NLGN1: variants seen among roughly 807,000 people sequenced by gnomAD.
The protein encoded by NLGN1 is neuroligin-1.
NLGN1 carries 12 observed loss-of-function variants against 65.5 expected under a neutral mutation model. The observed-to-expected ratio is 0.18, with a 90% CI of 0.12 to 0.30. The LOEUF (loss-of-function observed/expected upper bound fraction) is 0.30. Among genes scored for constraint, NLGN1 ranks in the 10% least tolerant of loss-of-function variants. NLGN1 has a pLI of 1.00. For synonymous variants in NLGN1, 350 were observed against 359.5 expected, an observed-to-expected ratio of 0.97 and a Z score of 0.30; for missense variants, 750 against 1,007.1, an observed-to-expected ratio of 0.74 and a Z score of 3.46.
intron 3 of NLGN1, among the ~76,000 whole-genome samples, chr3:173,716,903 G>A (rs187379466): frequency 9.2e-5 from 14 of 152,206 alleles, no homozygotes; most frequent in Non-Finnish European, 1.5e-4. Context: ...CTGAAGGGGT[G>A]GGGGGTCTGC....
At chr3:174,272,023 C>T (rs1749493299) in intron 4 of NLGN1, among the ~76,000 whole-genome samples, 1 of 151,430 alleles carries the variant, frequency 6.6e-6, no homozygotes, top group Middle Eastern at 3.4e-3. Context: ...TTCTATTTTA[C>T]AAAAATAATA....
chr3:173,523,222 G>T (rs567092935), intron 2 of NLGN1, among the ~76,000 whole-genome samples: 2 of 151,452 alleles, frequency 1.3e-5, no homozygotes, highest in African/African-American at 4.8e-5. Flanking sequence ...TCACTGTGTC[G>T]AATATTTATT....
intron 4 of NLGN1, among the ~76,000 whole-genome samples, chr3:174,099,546 C>T (rs935388965): frequency 1.1e-4 from 16 of 152,086 alleles, no homozygotes; most frequent in Admixed American, 8.5e-4. Context: ...AAGGCTTTCC[C>T]TGGACTTCTG....
chr3:173,556,634 G>A (rs1741748958), intron 2 of NLGN1, among the ~76,000 whole-genome samples: 1 of 151,948 alleles, frequency 6.6e-6, no homozygotes. Context: ...AATATAATGA[G>A]TCCCCTTCTT....
chr3:173,831,869 GT>G (rs1722652695), intron 4 of NLGN1, among the ~76,000 whole-genome samples: 1 of 151,950 alleles, frequency 6.6e-6, no homozygotes, highest in Non-Finnish European at 1.5e-5. Context: ...CTTTCTCTTC[GT>G]TGTTTTCTTT....
intron 4 of NLGN1, among the ~76,000 whole-genome samples, chr3:174,083,800 G>GT (rs770915421): frequency 5.0e-4 from 76 of 151,170 alleles, no homozygotes; most frequent in Non-Finnish European, 9.9e-4. Context: ...CAAGGAACAG[G>GT]TAAAAAAAAA....
intron 4 of NLGN1, among the ~76,000 whole-genome samples, chr3:174,067,372 A>G (rs776702996): frequency 1.5e-4 from 23 of 152,174 alleles, no homozygotes; most frequent in Non-Finnish European, 2.9e-4. Context: ...TCTACCAACT[A>G]TTTAGAAATA....
chr3:173,591,372 C>T (rs1316490993), intron 2 of NLGN1, among the ~76,000 whole-genome samples: 2 of 152,130 alleles, frequency 1.3e-5, no homozygotes, highest in African/African-American at 4.8e-5. Flanking sequence ...ATTCTTTCTC[C>T]TTTGGATCAC....
intron 4 of NLGN1, among the ~76,000 whole-genome samples, chr3:173,999,861 T>C (rs188521171): frequency 3.3e-5 from 5 of 152,192 alleles, no homozygotes; most frequent in Non-Finnish European, 4.4e-5. Context: ...GGGCAAAACA[T>C]TTCAAAGTAC....
chr3:173,897,828 T>C (rs1736598311), intron 4 of NLGN1, among the ~76,000 whole-genome samples: 2 of 152,170 alleles, frequency 1.3e-5, no homozygotes, highest in South Asian at 4.1e-4. Flanking sequence ...CATCTACCAC[T>C]CATGTTACAA....
chr3:173,726,896 C>T (rs997567338), intron 3 of NLGN1, among the ~76,000 whole-genome samples: 1 of 148,974 alleles, frequency 6.7e-6, no homozygotes, highest in African/African-American at 2.5e-5. Context: ...AAGTTATGTT[C>T]TTTGCCTCAG....
intron 4 of NLGN1, among the ~76,000 whole-genome samples, chr3:174,263,846 G>A (rs1299127407): frequency 1.3e-4 from 19 of 151,078 alleles, no homozygotes; most frequent in East Asian, 3.9e-4. Context: ...CATGTTTAGC[G>A]CTTCCTTCAG....
At chr3:173,730,322 T>TC (rs36078122) in intron 3 of NLGN1, among the ~76,000 whole-genome samples, 2,521 of 28,460 alleles carry the variant, frequency 0.089, 222 homozygotes, top group East Asian at 0.38. Context: ...GCCCCACCGC[T>TC]CCCCCCCCCC....
chr3:173,997,119 A>G (rs1414111749), intron 4 of NLGN1, among the ~76,000 whole-genome samples: 2 of 152,152 alleles, frequency 1.3e-5, no homozygotes, highest in Non-Finnish European at 2.9e-5. Context: ...CATGTTATAC[A>G]ATATAGGTCA....
intron 2 of NLGN1, among the ~76,000 whole-genome samples, chr3:173,585,377 C>G (rs1210039087): frequency 3.9e-5 from 6 of 152,194 alleles, no homozygotes; most frequent in South Asian, 4.2e-4. Flanking sequence ...CGGAAAAGCC[C>G]AAGTAGAAAT....
At chr3:174,192,918 G>C (rs1000026118) in intron 4 of NLGN1, among the ~76,000 whole-genome samples, 1 of 151,916 alleles carries the variant, frequency 6.6e-6, no homozygotes, top group Admixed American at 6.6e-5. Flanking sequence ...CTAAACTCCT[G>C]TGTGTTTTGT....
chr3:174,151,816 A>G (rs1724409507), intron 4 of NLGN1, among the ~76,000 whole-genome samples: 1 of 152,156 alleles, frequency 6.6e-6, no homozygotes, highest in African/African-American at 2.4e-5. Flanking sequence ...AAGTCTTCGA[A>G]AGAGTTCCTC....
chr3:173,609,631 T>A (rs992891092), intron 3 of NLGN1, among the ~76,000 whole-genome samples: 3 of 151,996 alleles, frequency 2.0e-5, no homozygotes, highest in Non-Finnish European at 4.4e-5. Flanking sequence ...CATTTACTTA[T>A]TCATTTGACA....
chr3:173,639,888 CCTT>C (rs1188818808), intron 3 of NLGN1, among the ~76,000 whole-genome samples: 1 of 152,030 alleles, frequency 6.6e-6, no homozygotes, highest in African/African-American at 2.4e-5. Context: ...CTTTTTTCCT[CCTT>C]CTCCTTCCTT....
Sources: allele counts gnomAD v4.1 joint callset (sites outside exome capture counted in the v4.1 genomes callset), GRCh38; gene constraint gnomAD v4.1.1; transcripts MANE v1.5; gene names NCBI Gene and HGNC (gene_info 2026-07-23, HGNC 2026-07-21).